PCDH15: variants seen among roughly 807,000 people sequenced by gnomAD.
PCDH15 encodes the protein protocadherin related 15, also known as protocadherin-15.
A neutral mutation model predicts 178.5 loss-of-function variants in PCDH15; 129 were observed. The observed-to-expected ratio is 0.72, with a 90% CI of 0.63 to 0.84. The LOEUF is 0.84. Among genes scored for constraint, PCDH15 ranks in the 40% least tolerant of loss-of-function variants. The pLI, the probability that PCDH15 is intolerant of heterozygous loss-of-function variation, is 0.00. For missense variants in PCDH15, 2,230 were observed against 2,099.9 expected, an observed-to-expected ratio of 1.06 and a Z score of -1.21; for synonymous variants, 800 against 732.0, an observed-to-expected ratio of 1.09 and a Z score of -1.50.
chr10:54,106,424 CA>C (rs1335861472), intron 15 of PCDH15, among the ~76,000 whole-genome samples: 1 of 152,094 alleles, frequency 6.6e-6, no homozygotes, highest in African/African-American at 2.4e-5. Context: ...AGACAGGGAC[CA>C]GAGAGAAACA....
At chr10:54,338,432 C>A (rs760142697) in intron 6 of PCDH15, among the ~76,000 whole-genome samples, 59 of 152,036 alleles carry the variant, frequency 3.9e-4, no homozygotes, top group Non-Finnish European at 7.2e-4. Flanking sequence ...TACACACACA[C>A]AGAACTACTT....
At chr10:53,835,020 T>G (rs4310525) in intron 29 of PCDH15, among the ~76,000 whole-genome samples, 63,489 of 152,062 alleles carry the variant, frequency 0.42, 13,759 homozygotes, top group East Asian at 0.75. Context: ...GTATAAGATT[T>G]TTCTGCTTAA....
chr10:55,348,606 T>G (rs1222050181), intron 2 of PCDH15, among the ~76,000 whole-genome samples: 1 of 152,176 alleles, frequency 6.6e-6, no homozygotes, highest in Non-Finnish European at 1.5e-5. Flanking sequence ...AAAGTTGTAT[T>G]AGTTAAGCTT....
intron 23 of PCDH15, among the ~76,000 whole-genome samples, chr10:53,958,145 A>T (rs1000671924): frequency 2.0e-5 from 3 of 152,182 alleles, no homozygotes; most frequent in African/African-American, 4.8e-5. Context: ...CTAAGAAAGT[A>T]AAAAACACTA....
chr10:53,945,420 A>C (rs1349032457), intron 23 of PCDH15, among the ~76,000 whole-genome samples: 1 of 152,190 alleles, frequency 6.6e-6, no homozygotes, highest in Non-Finnish European at 1.5e-5. Context: ...ATTAGTGGTG[A>C]GAACATGTAA....
At chr10:55,379,830 T>C (rs1043364650) in intron 2 of PCDH15, among the ~76,000 whole-genome samples, 1 of 152,042 alleles carries the variant, frequency 6.6e-6, no homozygotes, top group Admixed American at 6.6e-5. Flanking sequence ...GGAAACAATA[T>C]TAGGAAACAT....
At chr10:55,517,337 T>C (rs1055076387) in intron 2 of PCDH15, among the ~76,000 whole-genome samples, 1 of 152,104 alleles carries the variant, frequency 6.6e-6, no homozygotes, top group Non-Finnish European at 1.5e-5. Context: ...CCTATTAGTT[T>C]TCAGTATTTT....
chr10:54,569,890 C>A, intron 2 of PCDH15, among the ~76,000 whole-genome samples: 1 of 152,052 alleles, frequency 6.6e-6, no homozygotes, highest in South Asian at 2.1e-4. Flanking sequence ...CCTCAGTATA[C>A]GTTGAAGTCA....
intron 8 of PCDH15, among the ~76,000 whole-genome samples, chr10:54,263,547 G>A (rs1257718864): frequency 6.6e-6 from 1 of 152,108 alleles, no homozygotes. Flanking sequence ...CTGTCTACCA[G>A]ATTGAAGTTT....
chr10:55,231,129 A>G (rs1841206072), intron 1 of PCDH15, among the ~76,000 whole-genome samples: 1 of 152,158 alleles, frequency 6.6e-6, no homozygotes, highest in Middle Eastern at 3.4e-3. Context: ...TGCATCTCTG[A>G]GAAATATGGT....
intron 26 of PCDH15, among the ~76,000 whole-genome samples, chr10:53,880,089 G>A (rs2080591992): frequency 6.6e-6 from 1 of 152,062 alleles, no homozygotes; most frequent in South Asian, 2.1e-4. Context: ...GTACTCCAAT[G>A]CAGTGTTCAA....
chr10:55,302,819 A>G (rs964083876), intron 1 of PCDH15, among the ~76,000 whole-genome samples: 2 of 152,080 alleles, frequency 1.3e-5, no homozygotes, highest in African/African-American at 4.8e-5. Context: ...CATTTCTTTA[A>G]TCCATACTAA....
intron 2 of PCDH15, among the ~76,000 whole-genome samples, chr10:55,477,048 C>A (rs1840076314): frequency 6.6e-6 from 1 of 151,760 alleles, no homozygotes; most frequent in African/African-American, 2.4e-5. Context: ...AAAATGTAAG[C>A]AATAATACCT....
chr10:54,247,319 G>A (rs1436411474), intron 8 of PCDH15, among the ~76,000 whole-genome samples: 1 of 151,878 alleles, frequency 6.6e-6, no homozygotes, highest in Non-Finnish European at 1.5e-5. Flanking sequence ...ACTTTCTTGA[G>A]AGCAAAGTGA....
At chr10:55,542,233 G>A (rs1396567898) in intron 2 of PCDH15, among the ~76,000 whole-genome samples, 1 of 151,126 alleles carries the variant, frequency 6.6e-6, no homozygotes, top group Non-Finnish European at 1.5e-5. Flanking sequence ...CATGTGTACA[G>A]TATATGCCTG....
At chr10:54,232,176 G>A (rs1391768865) in intron 9 of PCDH15, among the ~76,000 whole-genome samples, 2 of 152,122 alleles carry the variant, frequency 1.3e-5, no homozygotes, top group African/African-American at 2.4e-5. Context: ...AATAATGGGG[G>A]GAAATTTCCC....
intron 2 of PCDH15, among the ~76,000 whole-genome samples, chr10:54,573,892 T>A (rs953254197): frequency 2.0e-5 from 3 of 152,104 alleles, no homozygotes; most frequent in Admixed American, 6.6e-5. Flanking sequence ...TTAAAAAAAA[T>A]TTGTTTGAGT....
chr10:54,693,780 A>T (rs1241604807), intron 1 of PCDH15, among the ~76,000 whole-genome samples: 1 of 152,156 alleles, frequency 6.6e-6, no homozygotes, highest in East Asian at 1.9e-4. Context: ...CAAGTACAGA[A>T]GTTAATGCTA....
chr10:54,093,326 G>T (rs1377120958), intron 15 of PCDH15, among the ~76,000 whole-genome samples: 2 of 152,012 alleles, frequency 1.3e-5, no homozygotes, highest in Non-Finnish European at 2.9e-5. Context: ...TCCTTTATTG[G>T]TGTTCCAGGG....
Sources: allele counts gnomAD v4.1 joint callset (sites outside exome capture counted in the v4.1 genomes callset), GRCh38; gene constraint gnomAD v4.1.1; transcripts MANE v1.5; gene names NCBI Gene and HGNC (gene_info 2026-07-23, HGNC 2026-07-21).